SMYD3: variants seen among roughly 807,000 people sequenced by gnomAD.
SMYD3 encodes histone-lysine N-methyltransferase SMYD3.
In SMYD3, 36 loss-of-function variants were observed where a neutral mutation model predicts 57.7. That is an observed-to-expected ratio of 0.62 (90% CI 0.48 to 0.82). The LOEUF (loss-of-function observed/expected upper bound fraction) is 0.82, where lower values mean the gene tolerates loss of function less well. SMYD3 is among the 40% of genes least tolerant of loss of function. The pLI is 0.00. For synonymous variants in SMYD3, 211 were observed against 195.0 expected, an observed-to-expected ratio of 1.08 and a Z score of -0.68; for missense variants, 515 against 538.8, an observed-to-expected ratio of 0.96 and a Z score of 0.44.
chr1:246,222,638 T>A (rs1371388180), intron 5 of SMYD3, among the ~76,000 whole-genome samples: 2 of 152,118 alleles, frequency 1.3e-5, no homozygotes, highest in African/African-American at 2.4e-5. Flanking sequence ...TAAGAAGAAG[T>A]CAAAACTTTT....
rs562816767 is a variant in SMYD3 at position 246,117,213 on chromosome 1, T to C, written c.532-187276A>G. Among the ~76,000 whole-genome samples the C allele has an allele frequency of 3.3e-5, 5 of 152,324 alleles. No homozygotes were observed. The South Asian group carries it at 1.0e-3, about 32-fold the overall frequency. On this transcript the variant is annotated intron_variant, in intron 5 of 11. Transcript: ENST00000490107. The stretch of plus-strand genomic sequence containing the variant: ...AATGGACAAGTAGAAATCCGAATCA[T>C]GTTATCTGAAAATGTTTTGCAATCA...
chr1:245,771,842 A>C (rs1235235481), intron 10 of SMYD3, among the ~76,000 whole-genome samples: 2 of 152,188 alleles, frequency 1.3e-5, no homozygotes, highest in Non-Finnish European at 2.9e-5. Flanking sequence ...AGGGAAAAAA[A>C]AGGTCCTAAC....
intron 10 of SMYD3, among the ~76,000 whole-genome samples, chr1:245,786,506 C>A (rs2047054368): frequency 6.6e-6 from 1 of 151,442 alleles, no homozygotes; most frequent in Non-Finnish European, 1.5e-5. Context: ...GCTTCCTGAA[C>A]CCAGCTCTCT....
chr1:246,408,018 C>T (rs1404005068), intron 1 of SMYD3, among the ~76,000 whole-genome samples: 1 of 151,698 alleles, frequency 6.6e-6, no homozygotes, highest in Non-Finnish European at 1.5e-5. Context: ...TGCTGTGTGT[C>T]CTCACTTGGC....
At chr1:246,245,655 T>C (rs2063691907) in intron 5 of SMYD3, among the ~76,000 whole-genome samples, 1 of 152,140 alleles carries the variant, frequency 6.6e-6, no homozygotes, top group Non-Finnish European at 1.5e-5. Context: ...AAATTTCAGA[T>C]TTAACGTGGA....
chr1:245,922,791 G>A (rs1052512751), intron 7 of SMYD3, among the ~76,000 whole-genome samples: 6 of 152,150 alleles, frequency 3.9e-5, no homozygotes, highest in African/African-American at 1.4e-4. Flanking sequence ...ACACTGCGTA[G>A]TAGTAAGTGT....
At chr1:245,769,732 C>T (rs781747058) in intron 10 of SMYD3, among the ~76,000 whole-genome samples, 70 of 152,222 alleles carry the variant, frequency 4.6e-4, no homozygotes, top group Admixed American at 9.2e-4. Context: ...AACTGAGGTA[C>T]GTATGAATTA....
intron 5 of SMYD3, among the ~76,000 whole-genome samples, chr1:246,236,114 C>A (rs2148463159): frequency 6.6e-6 from 1 of 152,084 alleles, no homozygotes; most frequent in Non-Finnish European, 1.5e-5. Flanking sequence ...ATAACCAAAT[C>A]CCTAAAAAGT....
chr1:245,758,821 T>C (rs987094349), intron 11 of SMYD3, among the ~76,000 whole-genome samples: 8 of 152,208 alleles, frequency 5.3e-5, no homozygotes, highest in Non-Finnish European at 7.3e-5. Context: ...ATCTACTGAT[T>C]GCTTTTATTT....
At chr1:246,140,688 C>G (rs1239689568) in intron 5 of SMYD3, among the ~76,000 whole-genome samples, 3 of 152,176 alleles carry the variant, frequency 2.0e-5, no homozygotes, top group African/African-American at 7.2e-5. Context: ...TCACAGCTTA[C>G]TGCAGCCTCA....
intron 7 of SMYD3, among the ~76,000 whole-genome samples, chr1:245,925,591 G>A (rs1467418044): frequency 6.6e-6 from 1 of 152,120 alleles, no homozygotes; most frequent in Non-Finnish European, 1.5e-5. Flanking sequence ...AATCCCACAC[G>A]ATGAAGAACT....
At chr1:246,349,140 A>G (rs1158013545) in intron 2 of SMYD3, among the ~76,000 whole-genome samples, 1 of 152,232 alleles carries the variant, frequency 6.6e-6, no homozygotes, top group Non-Finnish European at 1.5e-5. Flanking sequence ...ACTTAGATCT[A>G]CATAAAGAAA....
intron 5 of SMYD3, among the ~76,000 whole-genome samples, chr1:246,302,777 A>G (rs1022209988): frequency 6.6e-6 from 1 of 152,160 alleles, no homozygotes; most frequent in Non-Finnish European, 1.5e-5. Flanking sequence ...ACTTTACAAG[A>G]ACTGGCAGGA....
At chr1:246,363,620 C>G (rs554027249) in intron 1 of SMYD3, among the ~76,000 whole-genome samples, 2 of 149,670 alleles carry the variant, frequency 1.3e-5, no homozygotes, top group Non-Finnish European at 3.0e-5. Flanking sequence ...TGTGACCTTA[C>G]CCCCCAACCC....
chr1:245,840,829 C>G (rs1474980140), intron 10 of SMYD3, among the ~76,000 whole-genome samples: 1 of 151,680 alleles, frequency 6.6e-6, no homozygotes, highest in Non-Finnish European at 1.5e-5. Context: ...AAGAAACCCA[C>G]TGCTTTTTAT....
At chr1:246,459,133 G>C (rs1484320239) in intron 1 of SMYD3, among the ~76,000 whole-genome samples, 1 of 152,186 alleles carries the variant, frequency 6.6e-6, no homozygotes, top group Admixed American at 6.5e-5. Context: ...ATTGTTGTTT[G>C]AAAATGTGTA....
chr1:246,138,220 G>A (rs2061693074), intron 5 of SMYD3, among the ~76,000 whole-genome samples: 1 of 152,024 alleles, frequency 6.6e-6, no homozygotes, highest in Non-Finnish European at 1.5e-5. Flanking sequence ...CGCCCCGAGT[G>A]CTGCACTGTG....
At chr1:245,911,522 T>TACAC (rs1159054520) in intron 8 of SMYD3, among the ~76,000 whole-genome samples, 1 of 150,412 alleles carries the variant, frequency 6.6e-6, no homozygotes, top group African/African-American at 2.4e-5. Context: ...CACACACATA[T>TACAC]ACACACACAC....
rs116015010 is a variant in SMYD3, at chr1:246,001,931, C to T, written c.532-71994G>A. ...GAGATTTTGACAGATTCTCCGGCCG[C>T]CAGTCTTCCAGCTCTGGTTTCCAGC... On this transcript the variant is annotated intron_variant, in intron 5 of 11. Coordinates refer to ENST00000490107, the MANE Select transcript of SMYD3 (RefSeq NM_001167740.2). Among the ~76,000 whole-genome samples, 1,323 of 152,230 alleles carry T rather than the reference C, an allele frequency of 8.7e-3. 22 individuals carry two copies. Among genetic ancestry groups the T allele is most frequent in the African/African-American group, 0.03 (1,238 of 41,542 alleles).
Sources: gnomAD v4.1 joint callset for allele counts (sites outside exome capture counted in the v4.1 genomes callset) on GRCh38, gnomAD v4.1.1 for gene constraint, MANE v1.5 for transcripts, NCBI Gene and HGNC (gene_info 2026-07-23, HGNC 2026-07-21) for gene names.